Variants in TRIM71 observed in about 807,000 individuals in gnomAD.
The protein encoded by TRIM71 is E3 ubiquitin-protein ligase TRIM71.
In TRIM71, 9 loss-of-function variants were observed where a neutral mutation model predicts 61.2. That is an observed-to-expected ratio of 0.15 (90% CI 0.09 to 0.26). The LOEUF (loss-of-function observed/expected upper bound fraction) is 0.26. Among genes scored for constraint, TRIM71 ranks in the 10% least tolerant of loss-of-function variants. The probability of loss-of-function intolerance (pLI) is 1.00; values close to 1 mark genes in which losing one functional copy is unlikely to be tolerated. For synonymous variants in TRIM71, 645 were observed against 553.2 expected, an observed-to-expected ratio of 1.17 and a Z score of -2.33; for missense variants, 998 against 1,238.7, an observed-to-expected ratio of 0.81 and a Z score of 2.92.
chr3:32,821,054 G>T (rs140501741), intron 1 of TRIM71, among the ~76,000 whole-genome samples: 1 of 152,332 alleles, frequency 6.6e-6, no homozygotes, highest in East Asian at 1.9e-4. Flanking sequence ...TGTTAGGAGA[G>T]ACAGCACTAA....
chr3:32,865,788 GCCGGC>G (rs1559546264), intron 1 of TRIM71, among the ~76,000 whole-genome samples: 1 of 2,296 alleles, frequency 4.4e-4, no homozygotes, highest in African/African-American at 1.9e-3. Flanking sequence ...TTTGCCGCCC[GCCGGC>G]CCCCCCCCCC....
At chr3:32,853,108 C>T (rs1361451741) in intron 1 of TRIM71, among the ~76,000 whole-genome samples, 1 of 50,716 alleles carries the variant, frequency 2.0e-5, no homozygotes, top group African/African-American at 6.3e-5. Context: ...GATTATTTCT[C>T]TCTCTCTCTC....
At chr3:32,827,165 A>T (rs1235833827) in intron 1 of TRIM71, among the ~76,000 whole-genome samples, 1 of 152,122 alleles carries the variant, frequency 6.6e-6, no homozygotes, top group Non-Finnish European at 1.5e-5. Flanking sequence ...TAGAAGTAGT[A>T]GTCTTTAGCA....
chr3:32,866,479 G>A (rs531599224), intron 1 of TRIM71, among the ~76,000 whole-genome samples: 9 of 151,462 alleles, frequency 5.9e-5, no homozygotes, highest in Non-Finnish European at 1.2e-4. Context: ...TGCCCTCTTC[G>A]CACTCCCAAA....
intron 1 of TRIM71, among the ~76,000 whole-genome samples, chr3:32,861,925 G>C (rs1559545201): frequency 1.3e-5 from 2 of 152,156 alleles, no homozygotes; most frequent in African/African-American, 4.8e-5. Flanking sequence ...GGTACTTCTT[G>C]GCATTCAGAG....
rs981850223 is a variant in TRIM71, at chr3:32,897,038, G to A, written c.*5227G>A. 1.3e-5 allele frequency: 1 copy of A among 75,724 alleles called. No individual in the cohort carries two copies. Among genetic ancestry groups the A allele is most frequent in the African/African-American group, 5.4e-5 (1 of 18,578 alleles). 4.7% of individuals were successfully genotyped at this position (75,724 alleles called of 1,614,324 possible). ...GCAGGTAAGGGTGGGTGGGTAAGGG[G>A]TGTTGTTTTTTAACTAGCATGTTAG... is the stretch of plus-strand genomic sequence containing the variant. On this transcript the variant is annotated 3_prime_UTR_variant, in exon 4 of 4. Transcript: ENST00000383763.
At chr3:32,876,538 C>T (rs764205542) in intron 2 of TRIM71, among the ~76,000 whole-genome samples, 1 of 152,036 alleles carries the variant, frequency 6.6e-6, no homozygotes, top group African/African-American at 2.4e-5. Flanking sequence ...GAGCCGAGAT[C>T]GTGCCACTGC....
rs1184327141 is a variant in TRIM71 at position 32,870,697 on chromosome 3, C to G, written c.853-3121C>G. Among the ~76,000 whole-genome samples, 9 of 152,172 alleles carry G rather than the reference C, an allele frequency of 5.9e-5. 1 individual carries two copies. The South Asian group carries it at 1.2e-3, about 21-fold the overall frequency. On this transcript the variant is annotated intron_variant, in intron 1 of 3. Transcript: ENST00000383763. Reference sequence around the variant, plus strand: ...GGGGATTGCAAATGTCCAGCATCATCCAGGTTCTGTATTTTGAGGTTGATC... The same window carrying G: ...GGGGATTGCAAATGTCCAGCATCATGCAGGTTCTGTATTTTGAGGTTGATC...
chr3:32,891,178 C>T lies in TRIM71; in HGVS notation c.1974C>T (p.Gly658=), dbSNP rs748729591. 3.0e-5 allele frequency: 49 copies of T among 1,613,464 alleles called. No individual in the cohort carries two copies. Among genetic ancestry groups the T allele is most frequent in the African/African-American group, 8.0e-5 (6 of 74,948 alleles). Residue 658 remains glycine, a synonymous_variant, in exon 4 of 4, where the codon GGC becomes GGT. Transcript: ENST00000383763. This position sits in a 1 kb window ranked among gnomAD's most constrained non-coding sequence, Gnocchi z 8.2. The part of the protein sequence containing the change: ...SRPGQFDRPA[G]VACDASRRIV... ...CTGGGCAGTTCGACCGACCAGCCGG[C>T]GTGGCCTGTGACGCCTCACGCAGGA...
chr3:32,834,801 G>A (rs949283071), intron 1 of TRIM71, among the ~76,000 whole-genome samples: 3 of 152,006 alleles, frequency 2.0e-5, no homozygotes, highest in Non-Finnish European at 4.4e-5. Context: ...GAGATCGCAC[G>A]GCTGCACTCC....
At chr3:32,878,366 T>A (rs151032165) in intron 2 of TRIM71, among the ~76,000 whole-genome samples, 2 of 152,324 alleles carry the variant, frequency 1.3e-5, no homozygotes, top group East Asian at 3.9e-4. Context: ...TCCCAGCACT[T>A]TGGGAGCCCG....
chr3:32,829,626 TTGTGTGTGTGTG>T (rs10524029), intron 1 of TRIM71, among the ~76,000 whole-genome samples: 2 of 148,680 alleles, frequency 1.3e-5, no homozygotes, highest in African/African-American at 2.5e-5. Context: ...TGTCATGGTA[TTGTGTGTGTGTG>T]TGTGTGTGTG....
chr3:32,880,959 G>A (rs1176443535), intron 2 of TRIM71, among the ~76,000 whole-genome samples: 1 of 151,906 alleles, frequency 6.6e-6, no homozygotes, highest in Non-Finnish European at 1.5e-5. Flanking sequence ...AGAAACCCAC[G>A]GACAATTTAG....
chr3:32,886,137 G>A (rs1318052763), intron 3 of TRIM71, 69 bp downstream of exon 3: 41 of 1,507,192 alleles, frequency 2.7e-5, no homozygotes, highest in Non-Finnish European at 3.5e-5. Context: ...AGCACTCTAC[G>A]GGACTCTTTA....
rs1368455875 is a variant in TRIM71 at position 32,890,997 on chromosome 3, G to T, written c.1793G>T (p.Ser598Ile). The T allele has an allele frequency of 6.2e-7, 1 of 1,614,154 alleles. No individual in the cohort carries two copies. Among genetic ancestry groups the T allele is most frequent in the Non-Finnish European group, 8.5e-7 (1 of 1,180,042 alleles). The change falls in exon 4 of 4, where the codon AGT (serine) becomes ATT (isoleucine). Residue 598 changes from serine (S) to isoleucine (I), a missense_variant. By Grantham distance (142) the Ser-to-Ile change is moderately radical. Transcript: ENST00000383763. The surrounding 1 kb of genome is among the most constrained non-coding windows in gnomAD (Gnocchi z 6.2). The stretch of plus-strand genomic sequence containing the variant: ...GGGCTCCCGGGCCTGAGCTTCGGCA[G>T]TGAGGGTGACAGCGATGGCAAGCTC... ...GIGLPGLSFG[S>I]EGDSDGKLCR...
At chr3:32,848,375 TA>T (rs1404119421) in intron 1 of TRIM71, among the ~76,000 whole-genome samples, 2 of 152,114 alleles carry the variant, frequency 1.3e-5, no homozygotes, top group Non-Finnish European at 2.9e-5. Context: ...GTCTGGCCCA[TA>T]AACTCTTATC....
intron 1 of TRIM71, among the ~76,000 whole-genome samples, chr3:32,852,050 G>C (rs924058900): frequency 6.6e-6 from 1 of 152,168 alleles, no homozygotes; most frequent in African/African-American, 2.4e-5. Flanking sequence ...GAGCGTGCCC[G>C]AGGGGTCCTG....
intron 2 of TRIM71, among the ~76,000 whole-genome samples, chr3:32,884,027 C>T (rs767317447): frequency 6.6e-6 from 1 of 152,194 alleles, no homozygotes; most frequent in Non-Finnish European, 1.5e-5. Context: ...TGAATCAGCT[C>T]AGTGGATCCT....
intron 1 of TRIM71, among the ~76,000 whole-genome samples, chr3:32,842,368 G>A (rs898760952): frequency 6.6e-6 from 1 of 152,142 alleles, no homozygotes; most frequent in African/African-American, 2.4e-5. Context: ...TTCTTTGTAA[G>A]CTGCTTTTCT....
Sources: allele counts gnomAD v4.1 joint callset (sites outside exome capture counted in the v4.1 genomes callset), GRCh38; gene constraint gnomAD v4.1.1; non-coding constraint Gnocchi (gnomAD v3.1); transcripts MANE v1.5; gene names NCBI Gene and HGNC (gene_info 2026-07-23, HGNC 2026-07-21).